The following GNG4 variants were observed in gnomAD, a reference collection of about 807,000 sequenced individuals.
The protein encoded by GNG4 is guanine nucleotide-binding protein G(I)/G(S)/G(O) subunit gamma-4.
Under a neutral mutation model 5.8 loss-of-function variants are expected in GNG4, and 4 were observed. That is an observed-to-expected ratio of 0.69 (90% CI 0.34 to 1.57). The LOEUF (loss-of-function observed/expected upper bound fraction) is 1.57. Among genes scored for constraint, GNG4 ranks in the 40% most tolerant of loss-of-function variants. The pLI, the probability that GNG4 is intolerant of heterozygous loss-of-function variation, is 0.06. For missense variants in GNG4, 96 were observed against 95.1 expected, an observed-to-expected ratio of 1.01 and a Z score of -0.04; for synonymous variants, 29 against 32.9, an observed-to-expected ratio of 0.88 and a Z score of 0.41.
intron 1 of GNG4, among the ~76,000 whole-genome samples, chr1:235,600,100 CTTTTTTTTT>C (rs533853180): frequency 4.2e-4 from 18 of 43,138 alleles, no homozygotes; most frequent in Admixed American, 1.2e-3. Flanking sequence ...CGGAAGAAAG[CTTTTTTTTT>C]TTTTTTTTTT....
intron 1 of GNG4, among the ~76,000 whole-genome samples, chr1:235,640,049 G>T (rs1015592407): frequency 6.6e-6 from 1 of 152,154 alleles, no homozygotes; most frequent in Non-Finnish European, 1.5e-5. Context: ...GGGATCTTGT[G>T]CTCTGACAGA....
At chr1:235,619,168 TATATATATACACACAC>T (rs1386176160) in intron 1 of GNG4, among the ~76,000 whole-genome samples, 15 of 91,822 alleles carry the variant, frequency 1.6e-4, no homozygotes, top group South Asian at 3.3e-4. Context: ...TTTATATATA[TATATATATACACACAC>T]ATATATATAC....
intron 2 of GNG4, among the ~76,000 whole-genome samples, chr1:235,592,624 G>A (rs1687999178): frequency 1.3e-5 from 2 of 152,166 alleles, no homozygotes; most frequent in African/African-American, 2.4e-5. Context: ...TTTTCCTTAA[G>A]TGATTGCAAA....
intron 3 of GNG4, among the ~76,000 whole-genome samples, chr1:235,557,134 T>C (rs140959430): frequency 9.1e-4 from 139 of 152,228 alleles, no homozygotes; most frequent in African/African-American, 3.2e-3. Context: ...GGCCCGGCGG[T>C]TGGGGACCCG....
rs1388703364 is a variant in GNG4 at position 235,594,793 on chromosome 1, C to A, written c.-11+607G>T. 2.6e-5 allele frequency among the ~76,000 whole-genome samples: 4 copies of A among 152,198 alleles called. No homozygotes were observed. In the East Asian group the frequency reaches 7.7e-4, roughly 29 times the overall value. On this transcript the variant is annotated intron_variant, in intron 2 of 3. Coordinates refer to ENST00000391854, the MANE Select transcript of GNG4 (RefSeq NM_001098722.2). ...CACACCTCCCTGCAAGCTGAGGGAGCCAGCTCCCGCCTTGGCCAGCCCAGG... is the reference window on the plus strand; with the variant it reads ...CACACCTCCCTGCAAGCTGAGGGAGACAGCTCCCGCCTTGGCCAGCCCAGG...
chr1:235,643,783 CAAAG>C (rs1403836170), intron 1 of GNG4, among the ~76,000 whole-genome samples: 1 of 152,194 alleles, frequency 6.6e-6, no homozygotes, highest in Non-Finnish European at 1.5e-5. Context: ...AAATCCATGA[CAAAG>C]AAAATTTCTG....
chr1:235,593,772 C>T (rs886415560), intron 2 of GNG4, among the ~76,000 whole-genome samples: 2 of 151,942 alleles, frequency 1.3e-5, no homozygotes, highest in Admixed American at 1.3e-4. Flanking sequence ...TCCTTCCTCC[C>T]AGTGGGTTTG....
chr1:235,598,138 T>A (rs774588754), intron 1 of GNG4, among the ~76,000 whole-genome samples: 4 of 152,128 alleles, frequency 2.6e-5, no homozygotes, highest in Non-Finnish European at 4.4e-5. Flanking sequence ...TCCCCAAATT[T>A]GGTTGGGATC....
In GNG4 at chr1:235,596,461, C is replaced by T. The variant is rs111851887; in HGVS notation, c.-122-950G>A. Among the ~76,000 whole-genome samples, 307 of 152,166 alleles carry T rather than the reference C, an allele frequency of 2.0e-3. 1 individual carries two copies. The highest frequency in any genetic ancestry group is 0.01 in the Middle Eastern group (3 of 294). On this transcript the variant is annotated intron_variant, in intron 1 of 3. Transcript: ENST00000391854. Reference sequence around the variant, plus strand: ...CTGAGGTGGGAGAATCATTTGAACCCGACAGGCAGAGGTTGCGGTGAGCCA... The same window carrying T: ...CTGAGGTGGGAGAATCATTTGAACCTGACAGGCAGAGGTTGCGGTGAGCCA...
chr1:235,574,370 CA>C (rs1417077310), intron 3 of GNG4, among the ~76,000 whole-genome samples: 2 of 152,054 alleles, frequency 1.3e-5, no homozygotes, highest in African/African-American at 4.8e-5. Flanking sequence ...GACTCCATCT[CA>C]AAAAACAGCA....
chr1:235,585,477 C>T (rs1051817848), intron 2 of GNG4, among the ~76,000 whole-genome samples: 1 of 152,124 alleles, frequency 6.6e-6, no homozygotes, highest in Admixed American at 6.6e-5. Context: ...TAAGCAGTTA[C>T]ATATATGTTT....
At chr1:235,603,591 A>G (rs1444441066) in intron 1 of GNG4, among the ~76,000 whole-genome samples, 1 of 152,208 alleles carries the variant, frequency 6.6e-6, no homozygotes, top group Admixed American at 6.5e-5. Context: ...CAAATTAAGT[A>G]CTGTGATAGG....
chr1:235,631,502 G>A (rs1302305848), intron 1 of GNG4, among the ~76,000 whole-genome samples: 1 of 152,170 alleles, frequency 6.6e-6, no homozygotes, highest in Non-Finnish European at 1.5e-5. Flanking sequence ...CTCGGTGCCT[G>A]GACCCTAAAG....
At chr1:235,619,662 T>C (rs1409680572) in intron 1 of GNG4, among the ~76,000 whole-genome samples, 6 of 152,348 alleles carry the variant, frequency 3.9e-5, no homozygotes, top group South Asian at 2.1e-4. Context: ...TCCTTGAATG[T>C]TGAAATCTAA....
intron 2 of GNG4, among the ~76,000 whole-genome samples, chr1:235,587,116 G>A (rs765649025): frequency 6.6e-6 from 1 of 151,610 alleles, no homozygotes; most frequent in Non-Finnish European, 1.5e-5. Context: ...TGTGTGTGAG[G>A]GAGTCTGTGG....
intron 3 of GNG4, among the ~76,000 whole-genome samples, chr1:235,565,492 A>G (rs1158804836): frequency 6.6e-6 from 1 of 152,168 alleles, no homozygotes; most frequent in African/African-American, 2.4e-5. Flanking sequence ...CTTGTGACAG[A>G]GTGAGACTCT....
intron 3 of GNG4, among the ~76,000 whole-genome samples, chr1:235,579,783 A>C (rs1425119573): frequency 1.3e-5 from 2 of 148,554 alleles, no homozygotes; most frequent in Non-Finnish European, 3.0e-5. Flanking sequence ...CTCAGGAGGC[A>C]GAGGTTGCAG....
chr1:235,547,895 A>T lies in GNG4; in HGVS notation c.*4214T>A, dbSNP rs1193122397. The stretch of plus-strand genomic sequence containing the variant: ...AGGACTGATCTCTACTTGCAACCGC[A>T]TGGATGAATTTTGCTGGGTTTTAAA... On this transcript the variant is annotated 3_prime_UTR_variant, in exon 4 of 4. Coordinates refer to ENST00000391854, the MANE Select transcript of GNG4 (RefSeq NM_001098722.2). 1.3e-5 allele frequency: 2 copies of T among 152,178 alleles called. No homozygotes were observed. The highest frequency in any genetic ancestry group is 2.9e-5 in the Non-Finnish European group (2 of 68,040). The allele number at this position is 152,178 out of a possible 1,614,324, so 9.4% of individuals were successfully genotyped here.
At chr1:235,612,728 A>G (rs1199449147) in intron 1 of GNG4, among the ~76,000 whole-genome samples, 1 of 152,020 alleles carries the variant, frequency 6.6e-6, no homozygotes, top group Non-Finnish European at 1.5e-5. Flanking sequence ...TCGCTATGTT[A>G]CCCAGGCTGG....
Sources: allele counts gnomAD v4.1 joint callset (sites outside exome capture counted in the v4.1 genomes callset), GRCh38; gene constraint gnomAD v4.1.1; transcripts MANE v1.5; gene names NCBI Gene and HGNC (gene_info 2026-07-23, HGNC 2026-07-21).